The following RAB11FIP3 variants were observed in gnomAD, a reference collection of about 807,000 sequenced individuals.
RAB11FIP3 encodes RAB11 family interacting protein 3.
In RAB11FIP3, 17 loss-of-function variants were observed where a neutral mutation model predicts 77.8. The ratio of observed to expected loss-of-function variants is 0.22; its 90% CI spans 0.15 to 0.33. The LOEUF is 0.33. Ranked by LOEUF, RAB11FIP3 falls within the 10% of genes least tolerant of loss-of-function variation. The pLI is 1.00. For missense variants in RAB11FIP3, 1,005 were observed against 1,011.2 expected (o/e 0.99, Z 0.08); for synonymous variants, 437 against 448.2 (o/e 0.98, Z 0.31).
At chr16:456,456 AAAG>A (rs1387301787) in intron 1 of RAB11FIP3, among the ~76,000 whole-genome samples, 6 of 150,096 alleles carry the variant, frequency 4.0e-5, no homozygotes, top group African/African-American at 1.5e-4. Flanking sequence ...AAAAAAAGAA[AAAG>A]AAAAAGAAAA....
intron 1 of RAB11FIP3, among the ~76,000 whole-genome samples, chr16:449,777 C>T (rs537338084): frequency 1.3e-5 from 2 of 152,076 alleles, no homozygotes; most frequent in South Asian, 2.1e-4. Context: ...CATCGTGAAA[C>T]CCTGTCTCTA....
At chr16:478,274 C>T (rs1243377592) in intron 3 of RAB11FIP3, among the ~76,000 whole-genome samples, 1 of 151,606 alleles carries the variant, frequency 6.6e-6, no homozygotes, top group African/African-American at 2.4e-5. Flanking sequence ...CTCACTGCAG[C>T]CTCTGCCTCC....
Position 507,930 on chromosome 16 carries a change from G to A in RAB11FIP3, c.1499+2303G>A, listed in dbSNP as rs962985301. Among the ~76,000 whole-genome samples, 7 of 151,924 alleles carry A rather than the reference G, an allele frequency of 4.6e-5. No homozygotes were observed. Among genetic ancestry groups the A allele is most frequent in the South Asian group, 2.1e-4 (1 of 4,826 alleles). The stretch of plus-strand genomic sequence containing the variant: ...TTCCCGTTTTCAGTATCATCTGCCC[G>A]TTCTGAGCCATTTGCTCTCTAGCTG... On this transcript the variant is annotated intron_variant, in intron 8 of 13. Coordinates refer to ENST00000262305, the MANE Select transcript of RAB11FIP3 (RefSeq NM_014700.4). This position sits in a 1 kb window ranked among gnomAD's most constrained non-coding sequence, Gnocchi z 4.6.
At chr16:441,707 A>C (rs1212730286) in intron 1 of RAB11FIP3, among the ~76,000 whole-genome samples, 1 of 152,088 alleles carries the variant, frequency 6.6e-6, no homozygotes, top group Non-Finnish European at 1.5e-5. Flanking sequence ...GCAAACACAC[A>C]TTTGTGTTCC....
In RAB11FIP3 at chr16:520,954, G is replaced by T; in HGVS notation, c.*115G>T. 2 of 867,492 alleles carry T rather than the reference G, an allele frequency of 2.3e-6. No individual in the cohort carries two copies. The highest frequency in any genetic ancestry group is 1.9e-6 in the Non-Finnish European group (1 of 527,420). The allele number at this position is 867,492 out of a possible 1,614,324, so 53.7% of individuals were successfully genotyped here. On this transcript the variant is annotated 3_prime_UTR_variant, in exon 14 of 14. Coordinates refer to ENST00000262305, the MANE Select transcript of RAB11FIP3 (RefSeq NM_014700.4). ...CCACAGCCGACAGTGCCCAGAGCAT[G>T]CAGGGAACCCTCGTGCAGCTGAGCT... is the stretch of plus-strand genomic sequence containing the variant.
At chr16:475,253 A>G (rs2055881156) in intron 3 of RAB11FIP3, among the ~76,000 whole-genome samples, 1 of 152,244 alleles carries the variant, frequency 6.6e-6, no homozygotes. Context: ...CTGGTGATTT[A>G]GGGGACTTGT....
rs1021702557 is a variant in RAB11FIP3 at position 505,392 on chromosome 16, A to G, written c.1396-132A>G. 1.5e-6 allele frequency: 1 copy of G among 679,578 alleles called. No homozygotes were observed. The highest frequency in any genetic ancestry group is 1.8e-5 in the African/African-American group (1 of 55,304). 42.1% of individuals were successfully genotyped at this position (679,578 alleles called of 1,614,324 possible). ...GGGTTTATGGGACAAGTTGGATCCA[A>G]CACCAGCCTAGCTAGGTGGATCTGA... On this transcript the variant is annotated intron_variant, in intron 7 of 13. Coordinates refer to ENST00000262305, the MANE Select transcript of RAB11FIP3 (RefSeq NM_014700.4). This position sits in a 1 kb window ranked among gnomAD's most constrained non-coding sequence, Gnocchi z 4.0.
intron 9 of RAB11FIP3, among the ~76,000 whole-genome samples, chr16:517,071 C>G (rs2032448595): frequency 6.6e-6 from 1 of 152,162 alleles, no homozygotes; most frequent in Non-Finnish European, 1.5e-5. Context: ...ACGTCAGGAC[C>G]CTGATACGGT....
intron 11 of RAB11FIP3, 23 bp downstream of exon 11, chr16:519,914 G>T: frequency 6.4e-7 from 1 of 1,558,080 alleles, no homozygotes; most frequent in South Asian, 1.2e-5. Flanking sequence ...CCTGCCCCAC[G>T]CCCAGTCCTG....
At chr16:474,535 T>G (rs1040496853) in intron 3 of RAB11FIP3, among the ~76,000 whole-genome samples, 4 of 151,016 alleles carry the variant, frequency 2.6e-5, no homozygotes, top group Non-Finnish European at 5.9e-5. Context: ...GCCCAGGGGG[T>G]GGTGGGGCTG....
chr16:480,077 A>T (rs1022784334), intron 3 of RAB11FIP3, among the ~76,000 whole-genome samples: 2 of 152,146 alleles, frequency 1.3e-5, no homozygotes, highest in Admixed American at 1.3e-4. Context: ...ACCTGAGGTT[A>T]GGAGTTCGAG....
At chr16:511,482 G>T (rs1404469186) in intron 9 of RAB11FIP3, among the ~76,000 whole-genome samples, 1 of 131,132 alleles carries the variant, frequency 7.6e-6, no homozygotes, top group Non-Finnish European at 1.6e-5. Flanking sequence ...GGCTAGGTAG[G>T]AGAAGTTCCC....
chr16:435,589 T>G (rs2141848886), intron 1 of RAB11FIP3, among the ~76,000 whole-genome samples: 1 of 152,318 alleles, frequency 6.6e-6, no homozygotes, highest in Non-Finnish European at 1.5e-5. Flanking sequence ...TAGTTTTGTG[T>G]TGGGAGATAT....
intron 2 of RAB11FIP3, among the ~76,000 whole-genome samples, chr16:467,187 A>G (rs1324842912): frequency 6.6e-6 from 1 of 152,140 alleles, no homozygotes; most frequent in Non-Finnish European, 1.5e-5. Flanking sequence ...AACGTCTGGG[A>G]TGGGAAGGCA....
rs1270199097 is a variant in RAB11FIP3 at position 520,230 on chromosome 16, C to T, written c.1969C>T (p.Arg657Cys). 2.6e-6 allele frequency: 4 copies of T among 1,545,566 alleles called. No individual in the cohort carries two copies. Among genetic ancestry groups the T allele is most frequent in the African/African-American group, 1.4e-5 (1 of 73,252 alleles). ...SSMGLQEYHS[R>C]ARESELEQEV... ...CATGGGCCTGCAGGAGTACCACAGC[C>T]GCGCCCGGGAGAGCGAGCTGGAGCA... The change falls in exon 12 of 14, where the codon CGC (arginine) becomes TGC (cysteine). Residue 657 changes from arginine (R) to cysteine (C), a missense_variant. Around this residue, in one of 4 missense-constraint regions of RAB11FIP3, gnomAD observed 433 missense variants for 436.1 expected, o/e 0.99. Transcript: ENST00000262305.
intron 1 of RAB11FIP3, among the ~76,000 whole-genome samples, chr16:459,368 C>T (rs1042076612): frequency 3.3e-5 from 5 of 151,740 alleles, no homozygotes; most frequent in African/African-American, 9.7e-5. Context: ...TCAGGTGATC[C>T]GCCTGCTTCA....
chr16:438,144 G>GTGA (rs1439535475), intron 1 of RAB11FIP3, among the ~76,000 whole-genome samples: 2 of 151,822 alleles, frequency 1.3e-5, no homozygotes, highest in Non-Finnish European at 2.9e-5. Context: ...GTCTTCCTCT[G>GTGA]TCACCCAGGC....
intron 1 of RAB11FIP3, among the ~76,000 whole-genome samples, chr16:459,672 G>T (rs1049384086): frequency 6.6e-6 from 1 of 151,904 alleles, no homozygotes; most frequent in Non-Finnish European, 1.5e-5. Context: ...CCTGACCTTC[G>T]GTGATCCCAT....
intron 10 of RAB11FIP3, 130 bp from the exon 11 acceptor site, chr16:519,622 TCG>T (rs1165854303): frequency 3.8e-5 from 47 of 1,225,702 alleles, no homozygotes; most frequent in Non-Finnish European, 5.1e-5. Flanking sequence ...CCCAGCCCTG[TCG>T]CGCTCCAAGC....
Sources: allele counts gnomAD v4.1 joint callset (sites outside exome capture counted in the v4.1 genomes callset), GRCh38; gene constraint gnomAD v4.1.1; regional missense constraint gnomAD v4.1.1; non-coding constraint Gnocchi (gnomAD v3.1); transcripts MANE v1.5; gene names NCBI Gene and HGNC (gene_info 2026-07-23, HGNC 2026-07-21).